The following PDZRN4 variants were observed in gnomAD, a reference collection of about 807,000 sequenced individuals.
PDZRN4 encodes the protein PDZ domain containing ring finger 4.
In PDZRN4, 70 loss-of-function variants were observed where a neutral mutation model predicts 99.0. The ratio of observed to expected loss-of-function variants is 0.71; its 90% CI spans 0.58 to 0.86. The LOEUF is 0.86. Ranked by LOEUF, PDZRN4 falls within the 40% of genes least tolerant of loss-of-function variation. The pLI is 0.00. For missense variants in PDZRN4, 1,474 were observed against 1,331.2 expected (o/e 1.11, Z -1.67); for synonymous variants, 551 against 501.6 (o/e 1.10, Z -1.32).
intron 3 of PDZRN4, among the ~76,000 whole-genome samples, chr12:41,338,506 T>C (rs941483945): frequency 6.6e-6 from 1 of 151,748 alleles, no homozygotes; most frequent in Admixed American, 6.6e-5. Flanking sequence ...ATTCAAAAGA[T>C]CAACCAACCA....
At chr12:41,386,315 G>A (rs12320193) in intron 3 of PDZRN4, among the ~76,000 whole-genome samples, 4,998 of 152,234 alleles carry the variant, frequency 0.033, 118 homozygotes, top group African/African-American at 0.071. Flanking sequence ...CCTGGCTAGG[G>A]CAATCAGGCA....
chr12:41,478,058 T>C, intron 3 of PDZRN4: 2 of 623,872 alleles, frequency 3.2e-6, no homozygotes, highest in Non-Finnish European at 5.6e-6. Flanking sequence ...CCCCCAATAA[T>C]ATATTTTATC....
At chr12:41,200,440 T>C (rs1010126918) in intron 3 of PDZRN4, among the ~76,000 whole-genome samples, 1 of 152,148 alleles carries the variant, frequency 6.6e-6, no homozygotes. Context: ...CCTTATACCA[T>C]TGAGTGTGTT....
chr12:41,292,896 A>T (rs1265136946), intron 3 of PDZRN4, among the ~76,000 whole-genome samples: 1 of 151,920 alleles, frequency 6.6e-6, no homozygotes, highest in Non-Finnish European at 1.5e-5. Context: ...CCTCACTATT[A>T]TGAAAAGACC....
At chr12:41,394,312 A>T (rs1051791615) in intron 3 of PDZRN4, among the ~76,000 whole-genome samples, 1 of 152,182 alleles carries the variant, frequency 6.6e-6, no homozygotes, top group African/African-American at 2.4e-5. Flanking sequence ...GAGGATACTT[A>T]TATTCGGTCT....
Position 41,191,553 on chromosome 12 carries a change from C to G in PDZRN4, c.735+9C>G, listed in dbSNP as rs1424687612. 1.6e-6 allele frequency: 2 copies of G among 1,247,238 alleles called. No individual in the cohort carries two copies. The highest frequency in any genetic ancestry group is 2.3e-5 in the East Asian group (1 of 42,970). 77.3% of individuals were successfully genotyped at this position (1,247,238 alleles called of 1,614,324 possible). On this transcript the variant is annotated intron_variant, in intron 2 of 9. Transcript: ENST00000402685. ...GAGGTCGACCAAATCAGGTAAAACACCTTGTTAATGCATTACTCGTTACTT... is the reference window on the plus strand; with the variant it reads ...GAGGTCGACCAAATCAGGTAAAACAGCTTGTTAATGCATTACTCGTTACTT...
intron 3 of PDZRN4, among the ~76,000 whole-genome samples, chr12:41,239,320 G>A (rs796597019): frequency 1.1e-4 from 17 of 152,210 alleles, no homozygotes; most frequent in African/African-American, 3.6e-4. Flanking sequence ...GTTGGGTGGA[G>A]GAATGTTGTG....
chr12:41,416,991 G>A (rs1460679081), intron 3 of PDZRN4, among the ~76,000 whole-genome samples: 2 of 152,118 alleles, frequency 1.3e-5, no homozygotes, highest in African/African-American at 4.8e-5. Flanking sequence ...AAAGAAACTG[G>A]AATTTGACTT....
chr12:41,203,437 C>T (rs1437515737), intron 3 of PDZRN4, among the ~76,000 whole-genome samples: 1 of 151,962 alleles, frequency 6.6e-6, no homozygotes, highest in Non-Finnish European at 1.5e-5. Flanking sequence ...AGGAAGAATG[C>T]CATGAGTCAA....
chr12:41,412,763 A>G (rs1205360063), intron 3 of PDZRN4, among the ~76,000 whole-genome samples: 3 of 152,174 alleles, frequency 2.0e-5, no homozygotes, highest in Non-Finnish European at 4.4e-5. Flanking sequence ...AAGGGGAAGT[A>G]AAATATCTAA....
chr12:41,481,044 G>A (rs1351895359), intron 3 of PDZRN4, among the ~76,000 whole-genome samples: 2 of 151,180 alleles, frequency 1.3e-5, no homozygotes, highest in Non-Finnish European at 2.9e-5. Flanking sequence ...GAATTAAGCT[G>A]CACATGAGGA....
At chr12:41,564,722 G>C (rs568824528) in intron 8 of PDZRN4, among the ~76,000 whole-genome samples, 4 of 151,948 alleles carry the variant, frequency 2.6e-5, no homozygotes, top group Admixed American at 6.6e-5. Flanking sequence ...CTTAGGAGTG[G>C]GGAAAAAAGC....
rs75058416 is a variant in PDZRN4 at position 41,387,084 on chromosome 12, C to A, written c.844-119372C>A. 7.9e-5 allele frequency among the ~76,000 whole-genome samples: 12 copies of A among 152,090 alleles called. No homozygotes were observed. In the East Asian group the frequency reaches 1.2e-3, roughly 15 times the overall value. ...AGCAATGATTTTATGATGAAGACAC[C>A]AAAAACAATGGCAATAAAATCAAAA... On this transcript the variant is annotated intron_variant, in intron 3 of 9. Coordinates refer to ENST00000402685, the MANE Select transcript of PDZRN4 (RefSeq NM_001164595.2).
intron 3 of PDZRN4, among the ~76,000 whole-genome samples, chr12:41,432,507 A>T (rs1952593709): frequency 6.6e-6 from 1 of 152,222 alleles, no homozygotes; most frequent in Non-Finnish European, 1.5e-5. Context: ...AGTTACACTC[A>T]TTAATTCAAT....
chr12:41,309,955 CAG>C (rs1951595847), intron 3 of PDZRN4, among the ~76,000 whole-genome samples: 1 of 151,130 alleles, frequency 6.6e-6, no homozygotes, highest in Non-Finnish European at 1.5e-5. Flanking sequence ...TTTTTTGAGA[CAG>C]AGTCTTACTC....
At chr12:41,363,443 G>C (rs1488439154) in intron 3 of PDZRN4, among the ~76,000 whole-genome samples, 1 of 152,084 alleles carries the variant, frequency 6.6e-6, no homozygotes, top group African/African-American at 2.4e-5. Flanking sequence ...AAATCAAGAT[G>C]CATTTGTTCA....
At chr12:41,433,545 T>C (rs1952602633) in intron 3 of PDZRN4, among the ~76,000 whole-genome samples, 1 of 152,176 alleles carries the variant, frequency 6.6e-6, no homozygotes, top group African/African-American at 2.4e-5. Context: ...AAGCCACATG[T>C]CAAGGTAGGT....
At chr12:41,506,149 C>T (rs909574937) in intron 3 of PDZRN4, among the ~76,000 whole-genome samples, 2 of 151,886 alleles carry the variant, frequency 1.3e-5, no homozygotes, top group Admixed American at 6.6e-5. Flanking sequence ...TATCTGAAGA[C>T]TTCGGTGACC....
At chr12:41,249,550 T>C (rs1951154777) in intron 3 of PDZRN4, among the ~76,000 whole-genome samples, 1 of 152,184 alleles carries the variant, frequency 6.6e-6, no homozygotes, top group Non-Finnish European at 1.5e-5. Flanking sequence ...GCTTTGAGGC[T>C]GGACAGAAGT....
Sources: gnomAD v4.1 joint callset for allele counts (sites outside exome capture counted in the v4.1 genomes callset) on GRCh38, gnomAD v4.1.1 for gene constraint, MANE v1.5 for transcripts, NCBI Gene and HGNC (gene_info 2026-07-23, HGNC 2026-07-21) for gene names.